Variants in CREB5 observed in about 807,000 individuals in gnomAD.
CREB5 encodes cAMP responsive element binding protein 5, also known as cyclic AMP-responsive element-binding protein 5.
CREB5 carries 19 observed loss-of-function variants against 57.1 expected under a neutral mutation model. The observed-to-expected ratio is 0.33, with a 90% CI of 0.23 to 0.49. CREB5 has a LOEUF of 0.49. Ranked by LOEUF, CREB5 falls within the 20% of genes least tolerant of loss-of-function variation. CREB5 has a pLI of 0.99. For synonymous variants in CREB5, 238 were observed against 238.3 expected (o/e 1.00, Z 0.01); for missense variants, 579 against 671.6 (o/e 0.86, Z 1.52).
chr7:28,485,624 C>T (rs1791515220), intron 1 of CREB5, among the ~76,000 whole-genome samples: 1 of 152,082 alleles, frequency 6.6e-6, no homozygotes. Flanking sequence ...GGTCTTTATA[C>T]CCCTCTTATT....
intron 5 of CREB5, among the ~76,000 whole-genome samples, chr7:28,700,026 A>G (rs1363148158): frequency 6.6e-6 from 1 of 152,216 alleles, no homozygotes; most frequent in East Asian, 1.9e-4. Context: ...GCATCACCTA[A>G]ATGGGACGTA....
At chr7:28,676,301 T>C (rs1800318677) in intron 5 of CREB5, among the ~76,000 whole-genome samples, 1 of 152,236 alleles carries the variant, frequency 6.6e-6, no homozygotes, top group Non-Finnish European at 1.5e-5. Context: ...TTTTTCATTT[T>C]GTCTATTCCC....
chr7:28,312,974 T>C (rs191614699), intron 1 of CREB5, among the ~76,000 whole-genome samples: 1 of 152,328 alleles, frequency 6.6e-6, no homozygotes, highest in East Asian at 1.9e-4. Context: ...TTCAATCTCC[T>C]ATCTGATGGT....
chr7:28,686,198 G>A (rs752169113), intron 5 of CREB5: 2 of 1,609,894 alleles, frequency 1.2e-6, no homozygotes. Flanking sequence ...TGTCCATGAG[G>A]TTTGTTTTTA....
rs10585117 is a variant in CREB5 at position 28,373,904 on chromosome 7, C to CATATAT, written c.-25+74478_-25+74483dup. Among the ~76,000 whole-genome samples, 442 of 146,226 alleles carry CATATAT rather than the reference C, an allele frequency of 3.0e-3. 1 individual carries two copies. The highest frequency in any genetic ancestry group is 7.0e-3 in the East Asian group (35 of 5,024). On this transcript the variant is annotated intron_variant, in intron 1 of 9. Transcript: ENST00000396299. ...TCTATCCAACACTTGTTTCTGCATCCATATATATATATATATATATGTATA... is the reference window on the plus strand; with the variant it reads ...TCTATCCAACACTTGTTTCTGCATCCATATATATATATATATATATATATATGTATA...
chr7:28,455,821 G>T (rs1484812241), intron 1 of CREB5, among the ~76,000 whole-genome samples: 1 of 152,208 alleles, frequency 6.6e-6, no homozygotes, highest in African/African-American at 2.4e-5. Flanking sequence ...ACTGTCCATG[G>T]CTCTGGCCAA....
intron 5 of CREB5, among the ~76,000 whole-genome samples, chr7:28,627,674 G>A (rs1318925308): frequency 6.6e-6 from 1 of 152,118 alleles, no homozygotes; most frequent in Non-Finnish European, 1.5e-5. Flanking sequence ...ACAGATTGGT[G>A]GGATAGCATG....
chr7:28,418,306 C>T (rs1788101393), intron 1 of CREB5, among the ~76,000 whole-genome samples: 1 of 152,114 alleles, frequency 6.6e-6, no homozygotes, highest in Non-Finnish European at 1.5e-5. Context: ...TTTTAATATA[C>T]CTGTTTTTTA....
Position 28,809,439 on chromosome 7 carries a change from G to A in CREB5, c.1254+25G>A, listed in dbSNP as rs1429900741. On this transcript the variant is annotated intron_variant, in intron 9 of 10. Coordinates refer to ENST00000357727, the MANE Select transcript of CREB5 (RefSeq NM_182898.4). ...GGTGCAGCCCACGGTGTCTTTCCCC[G>A]CGACTCAAAGGCCCTCTGCTCCACG... 7.6e-6 allele frequency: 12 copies of A among 1,570,586 alleles called. No homozygotes were observed. The African/African-American group carries it at 8.1e-5, about 11-fold the overall frequency.
In CREB5 at chr7:28,321,398, CA is replaced by C. The variant is rs1275505545; in HGVS notation, c.-25+21958del. Among the ~76,000 whole-genome samples the C allele has an allele frequency of 3.9e-5, 6 of 152,238 alleles. No individual in the cohort carries two copies. The East Asian group carries it at 1.2e-3, about 29-fold the overall frequency. ...ACTTCAGGGCCTCTTGTCCAAAAAT[CA>C]GGGGGAAAAAACATTTCTTTTTCTT... On this transcript the variant is annotated intron_variant, in intron 1 of 9. Coordinates refer to the CREB5 transcript ENST00000396299.
At chr7:28,688,216 T>C (rs1037801800) in intron 5 of CREB5, among the ~76,000 whole-genome samples, 2 of 152,224 alleles carry the variant, frequency 1.3e-5, no homozygotes, top group African/African-American at 4.8e-5. Flanking sequence ...AGTTTTCAAA[T>C]GCTACCTTTG....
At chr7:28,340,573 G>A (rs1785918050) in intron 1 of CREB5, among the ~76,000 whole-genome samples, 1 of 152,120 alleles carries the variant, frequency 6.6e-6, no homozygotes. Context: ...CTCTTTTGGA[G>A]CTGTGAGCTG....
chr7:28,734,208 A>C (rs1803838395), intron 7 of CREB5, among the ~76,000 whole-genome samples: 1 of 25,932 alleles, frequency 3.9e-5, no homozygotes, highest in Admixed American at 5.9e-4. Flanking sequence ...CAGTAGTTCA[A>C]AAAAAAAAAA....
chr7:28,534,403 TGGA>T (rs899953034), intron 4 of CREB5, among the ~76,000 whole-genome samples: 1 of 152,108 alleles, frequency 6.6e-6, no homozygotes, highest in African/African-American at 2.4e-5. Flanking sequence ...CCTCTCCCAG[TGGA>T]GGAGAAGGGC....
In CREB5 at chr7:28,620,966, G is replaced by A. The variant is rs75725067; in HGVS notation, c.464+50429G>A. Among the ~76,000 whole-genome samples the A allele has an allele frequency of 3.0e-4, 45 of 152,220 alleles. No individual in the cohort carries two copies. The East Asian group carries it at 6.2e-3, about 21-fold the overall frequency. ...TACCTAAATCCCAGCCCCAAATTTG[G>A]AATTGAATGCTAATCCAAAAAGTTA... is the stretch of plus-strand genomic sequence containing the variant. On this transcript the variant is annotated intron_variant, in intron 5 of 10. Transcript: ENST00000357727.
chr7:28,617,754 G>C (rs1023893248), intron 5 of CREB5, among the ~76,000 whole-genome samples: 2 of 152,216 alleles, frequency 1.3e-5, no homozygotes, highest in African/African-American at 4.8e-5. Flanking sequence ...GGGAAAAAGA[G>C]CAGCGCTCTA....
At chr7:28,707,183 C>T (rs944868775) in intron 5 of CREB5, among the ~76,000 whole-genome samples, 1 of 152,142 alleles carries the variant, frequency 6.6e-6, no homozygotes, top group Non-Finnish European at 1.5e-5. Flanking sequence ...CCAAATGCTT[C>T]ACCCCCAAAT....
intron 4 of CREB5, among the ~76,000 whole-genome samples, chr7:28,553,841 T>C (rs773861457): frequency 2.6e-5 from 4 of 152,242 alleles, no homozygotes; most frequent in Non-Finnish European, 5.9e-5. Flanking sequence ...GAAATGTCTT[T>C]CCAGAATAAA....
intron 5 of CREB5, among the ~76,000 whole-genome samples, chr7:28,591,501 G>A (rs978506640): frequency 5.9e-5 from 9 of 152,124 alleles, no homozygotes; most frequent in Non-Finnish European, 1.0e-4. Context: ...AAACCTACAC[G>A]GAGGAAGTTC....
Sources: allele counts gnomAD v4.1 joint callset (sites outside exome capture counted in the v4.1 genomes callset), GRCh38; gene constraint gnomAD v4.1.1; transcripts MANE v1.5; gene names NCBI Gene and HGNC (gene_info 2026-07-23, HGNC 2026-07-21).